PRORP: variants seen among roughly 807,000 people sequenced by gnomAD.
PRORP encodes mitochondrial ribonuclease P catalytic subunit.
PRORP carries 51 observed loss-of-function variants against 59.4 expected under a neutral mutation model. The observed-to-expected ratio is 0.86, with a 90% CI of 0.69 to 1.08. The LOEUF is 1.08. Among genes scored for constraint, PRORP ranks in the 50% least tolerant of loss-of-function variants. The pLI is 0.00. For missense variants in PRORP, 646 were observed against 690.3 expected (o/e 0.94, Z 0.72); for synonymous variants, 231 against 245.6 (o/e 0.94, Z 0.55).
intron 5 of PRORP, among the ~76,000 whole-genome samples, chr14:35,192,620 A>G (rs1037701009): frequency 2.0e-5 from 3 of 152,322 alleles, no homozygotes; most frequent in Middle Eastern, 3.4e-3. Context: ...CTTTTCAGTT[A>G]TCACTAATAA....
chr14:35,262,774 A>G (rs2050938302), intron 5 of PRORP: 4 of 1,184,664 alleles, frequency 3.4e-6, no homozygotes, highest in Admixed American at 3.4e-5. Context: ...GTCGTTATCC[A>G]GGAGAATGGG....
At chr14:35,161,875 A>T (rs2048068672) in intron 4 of PRORP, among the ~76,000 whole-genome samples, 1 of 152,310 alleles carries the variant, frequency 6.6e-6, no homozygotes, top group South Asian at 2.1e-4. Flanking sequence ...AGGATAATGT[A>T]TTAATACTTG....
intron 5 of PRORP, among the ~76,000 whole-genome samples, chr14:35,202,079 C>T (rs1354651229): frequency 1.3e-5 from 2 of 151,626 alleles, no homozygotes; most frequent in African/African-American, 2.4e-5. Flanking sequence ...ACGCCATTCT[C>T]CTGCCTCAGC....
intron 4 of PRORP, among the ~76,000 whole-genome samples, chr14:35,155,043 T>C (rs2047878093): frequency 6.6e-6 from 1 of 152,118 alleles, no homozygotes; most frequent in South Asian, 2.1e-4. Context: ...TACAGGTGCC[T>C]GCCACCACAT....
intron 5 of PRORP, among the ~76,000 whole-genome samples, chr14:35,265,324 A>C (rs745835843): frequency 3.5e-4 from 54 of 152,234 alleles, no homozygotes; most frequent in Non-Finnish European, 7.1e-4. Context: ...TTTCTGATAC[A>C]TGATTATATA....
intron 5 of PRORP, among the ~76,000 whole-genome samples, chr14:35,189,518 C>T (rs182016374): frequency 6.7e-6 from 1 of 149,612 alleles, no homozygotes; most frequent in East Asian, 2.0e-4. Flanking sequence ...AGAACAGTTA[C>T]AGAAACTTGG....
intron 5 of PRORP, among the ~76,000 whole-genome samples, chr14:35,264,847 G>A (rs1012215470): frequency 8.5e-5 from 13 of 152,090 alleles, no homozygotes; most frequent in African/African-American, 2.9e-4. Flanking sequence ...GCATGATGGC[G>A]TGTGCCTGTA....
chr14:35,262,231 C>T (rs548477357), intron 5 of PRORP, among the ~76,000 whole-genome samples: 9 of 151,888 alleles, frequency 5.9e-5, no homozygotes, highest in African/African-American at 1.4e-4. Context: ...AGGCTGGTCC[C>T]GAACTCCTGG....
rs76317015 is a variant in PRORP, at chr14:35,276,633, G to A, written c.*3067G>A. 1.1e-3 allele frequency: 166 copies of A among 151,812 alleles called. 1 individual carries two copies. The highest frequency in any genetic ancestry group is 3.7e-3 in the African/African-American group (153 of 41,392). The allele number at this position is 151,812 out of a possible 1,614,324, so 9.4% of individuals were successfully genotyped here. ...GCCCATTTGTGTTCTGATCATTTGA[G>A]TGAAAAAAAGGTACCTGTCAAGCAA... is the stretch of plus-strand genomic sequence containing the variant. On this transcript the variant is annotated 3_prime_UTR_variant, in exon 8 of 8. Coordinates refer to ENST00000534898, the MANE Select transcript of PRORP (RefSeq NM_014672.4).
chr14:35,132,703 T>C (rs950851626), intron 4 of PRORP, among the ~76,000 whole-genome samples: 6 of 150,608 alleles, frequency 4.0e-5, no homozygotes, highest in Non-Finnish European at 8.9e-5. Context: ...AGGGGAATCA[T>C]TTGAACCCGT....
intron 5 of PRORP, among the ~76,000 whole-genome samples, chr14:35,226,323 A>G (rs990868629): frequency 4.6e-5 from 7 of 152,230 alleles, no homozygotes; most frequent in African/African-American, 1.2e-4. Context: ...ACAGATACCT[A>G]AATCATTAAT....
At chr14:35,142,191 C>G (rs2047496412) in intron 4 of PRORP, among the ~76,000 whole-genome samples, 1 of 143,060 alleles carries the variant, frequency 7.0e-6, no homozygotes, top group African/African-American at 2.5e-5. Flanking sequence ...AATTTATTAT[C>G]TTATGTAGAG....
intron 5 of PRORP, among the ~76,000 whole-genome samples, chr14:35,217,500 CAAAAAA>C: frequency 1.4e-5 from 1 of 73,834 alleles, no homozygotes; most frequent in South Asian, 4.6e-4. Context: ...GACTCTGTCT[CAAAAAA>C]AAAAAAAAAA....
intron 5 of PRORP, among the ~76,000 whole-genome samples, chr14:35,243,535 A>T (rs888081519): frequency 5.4e-5 from 5 of 92,628 alleles, no homozygotes; most frequent in East Asian, 5.9e-4. Context: ...GACCATGTCT[A>T]AAAAAAAAAA....
At chr14:35,128,561 T>G (rs765011377) in intron 4 of PRORP, among the ~76,000 whole-genome samples, 3 of 152,132 alleles carry the variant, frequency 2.0e-5, no homozygotes, top group Admixed American at 6.5e-5. Flanking sequence ...TGGTTCAGTC[T>G]TAATATATTG....
rs974688834 is a variant in PRORP, at chr14:35,145,753, G to A, written c.1167+18142G>A. Among the ~76,000 whole-genome samples the A allele has an allele frequency of 8.1e-5, 11 of 135,670 alleles. 1 individual carries two copies. Among genetic ancestry groups the A allele is most frequent in the African/African-American group, 2.8e-4 (11 of 38,640 alleles). The allele number at this position is 135,670 out of a possible 152,430, so 89.0% of individuals were successfully genotyped here. A position where few individuals can be genotyped will look rare whatever the true frequency, so the allele number is the denominator to read the frequency against. On this transcript the variant is annotated intron_variant, in intron 4 of 7. Coordinates refer to ENST00000534898, the MANE Select transcript of PRORP (RefSeq NM_014672.4). ...AGAAAGAAGGAAGGAAGGAAGGAAGGAAGGAAACAGCCCACCATGATCCAT... is the reference window on the plus strand; with the variant it reads ...AGAAAGAAGGAAGGAAGGAAGGAAGAAAGGAAACAGCCCACCATGATCCAT...
intron 5 of PRORP, among the ~76,000 whole-genome samples, chr14:35,183,361 T>C (rs7151250): frequency 0.18 from 28,015 of 152,014 alleles, 2,840 homozygotes; most frequent in Admixed American, 0.27. Context: ...TTACCATGAG[T>C]ATATATTACT....
chr14:35,267,826 G>A (rs952828118), intron 6 of PRORP, among the ~76,000 whole-genome samples: 10 of 151,748 alleles, frequency 6.6e-5, no homozygotes, highest in African/African-American at 2.4e-4. Flanking sequence ...GCATAAGCTT[G>A]GCATGTGTTT....
At chr14:35,148,911 ATTTTT>A (rs1186320988) in intron 4 of PRORP, among the ~76,000 whole-genome samples, 86 of 82,826 alleles carry the variant, frequency 1.0e-3, no homozygotes, top group Middle Eastern at 0.013. Flanking sequence ...GCACTTTTTA[ATTTTT>A]TTTTTTTTTT....
Sources: allele counts gnomAD v4.1 joint callset (sites outside exome capture counted in the v4.1 genomes callset), GRCh38; gene constraint gnomAD v4.1.1; transcripts MANE v1.5; gene names NCBI Gene and HGNC (gene_info 2026-07-23, HGNC 2026-07-21).